The following GRIK3 variants were observed in gnomAD, a reference collection of about 807,000 sequenced individuals.
GRIK3 encodes glutamate receptor ionotropic, kainate 3.
In GRIK3, 29 loss-of-function variants were observed where a neutral mutation model predicts 102.5. That is an observed-to-expected ratio of 0.28 (90% CI 0.21 to 0.39). GRIK3 has a LOEUF of 0.39. Ranked by LOEUF, GRIK3 falls within the 10% of genes least tolerant of loss-of-function variation. The probability of loss-of-function intolerance (pLI) is 1.00; values close to 1 mark genes in which losing one functional copy is unlikely to be tolerated. For missense variants in GRIK3, 908 were observed against 1,252.4 expected (o/e 0.73, Z 4.15); for synonymous variants, 511 against 504.9 (o/e 1.01, Z -0.16).
intron 1 of GRIK3, among the ~76,000 whole-genome samples, chr1:36,949,586 T>C (rs1570816629): frequency 7.4e-6 from 1 of 134,954 alleles, no homozygotes. Flanking sequence ...TTTTTTTTTT[T>C]TTTTTTTTTT....
chr1:36,811,088 C>T (rs888886403), intron 13 of GRIK3, among the ~76,000 whole-genome samples: 8 of 152,310 alleles, frequency 5.3e-5, no homozygotes, highest in Non-Finnish European at 5.9e-5. Context: ...TGTAAGAGTA[C>T]GTGCTACTTA....
chr1:36,833,683 G>C (rs1023543696), intron 10 of GRIK3, among the ~76,000 whole-genome samples: 1 of 152,212 alleles, frequency 6.6e-6, no homozygotes. Context: ...GACACAGCGG[G>C]GGCAATGGTA....
intron 3 of GRIK3, among the ~76,000 whole-genome samples, chr1:36,879,759 C>G (rs1328782568): frequency 6.6e-6 from 1 of 152,188 alleles, no homozygotes; most frequent in African/African-American, 2.4e-5. Context: ...GCTGGCAGAG[C>G]ATGTGGGACA....
chr1:36,847,013 T>C (rs372081604), intron 9 of GRIK3, among the ~76,000 whole-genome samples: 23 of 152,254 alleles, frequency 1.5e-4, no homozygotes, highest in South Asian at 4.1e-4. Context: ...CACTGCCCCA[T>C]AGGGGGAAGC....
At chr1:36,833,186 C>T (rs1407979280) in intron 10 of GRIK3, among the ~76,000 whole-genome samples, 1 of 152,166 alleles carries the variant, frequency 6.6e-6, no homozygotes, top group Admixed American at 6.5e-5. Flanking sequence ...CCCCTTACCC[C>T]AGCCTAATGG....
intron 1 of GRIK3, among the ~76,000 whole-genome samples, chr1:37,032,626 G>C (rs1338696041): frequency 6.6e-6 from 1 of 152,166 alleles, no homozygotes; most frequent in Admixed American, 6.5e-5. Flanking sequence ...GACCATAAGG[G>C]TTGTCCCCAG....
At chr1:36,889,716 G>T (rs1342910662) in intron 2 of GRIK3, among the ~76,000 whole-genome samples, 1 of 152,146 alleles carries the variant, frequency 6.6e-6, no homozygotes, top group East Asian at 1.9e-4. Flanking sequence ...CTGCCCTGGG[G>T]TTCCCTGCCT....
At chr1:36,944,966 C>T (rs1018384917) in intron 1 of GRIK3, among the ~76,000 whole-genome samples, 1 of 152,242 alleles carries the variant, frequency 6.6e-6, no homozygotes, top group African/African-American at 2.4e-5. Context: ...GAAGGGCCAG[C>T]TGCTGAGCCT....
At chr1:36,837,979 C>T (rs1640401050) in intron 10 of GRIK3, among the ~76,000 whole-genome samples, 5 of 152,212 alleles carry the variant, frequency 3.3e-5, no homozygotes, top group Admixed American at 3.3e-4. Context: ...GGTCTAGGTC[C>T]TGGACTACTG....
intron 15 of GRIK3, among the ~76,000 whole-genome samples, chr1:36,803,499 T>C (rs957774710): frequency 6.6e-6 from 1 of 152,182 alleles, no homozygotes; most frequent in Non-Finnish European, 1.5e-5. Flanking sequence ...GGCGTGACCT[T>C]GGCTCACTGC....
chr1:36,917,783 G>A (rs1370456063), intron 1 of GRIK3, among the ~76,000 whole-genome samples: 1 of 152,168 alleles, frequency 6.6e-6, no homozygotes, highest in Non-Finnish European at 1.5e-5. Context: ...ACTAATACAG[G>A]GAGGTTGAAG....
intron 1 of GRIK3, among the ~76,000 whole-genome samples, chr1:36,997,963 T>C (rs1208135583): frequency 6.6e-6 from 1 of 152,210 alleles, no homozygotes; most frequent in African/African-American, 2.4e-5. Context: ...ATTTAAGCCC[T>C]ATTAATCCAG....
At chr1:37,031,234 C>CA (rs780453549) in intron 1 of GRIK3, among the ~76,000 whole-genome samples, 1 of 152,202 alleles carries the variant, frequency 6.6e-6, no homozygotes, top group Non-Finnish European at 1.5e-5. Flanking sequence ...ATAAAATAAT[C>CA]AATGATCATT....
At position 36,890,930 on chromosome 1, in the gene GRIK3, C is replaced by A. The variant is rs200669770; in HGVS notation, c.282G>T (p.Ala94=). 29 of 1,606,894 alleles carry A rather than the reference C, an allele frequency of 1.8e-5. No individual in the cohort carries two copies. The African/African-American group carries it at 2.4e-4, about 13-fold the overall frequency. Residue 94 remains alanine (A), a synonymous_variant, in exon 2 of 16, where the codon GCG becomes GCT. Transcript: ENST00000373091. ...GAGCTGCACACTCACCCTTTTTGGT[C>A]GCCTCGAAGCTGTCATGGAAGTGAA... ...QRIHFHDSFE[A]TKKACDQLAL...
intron 5 of GRIK3, among the ~76,000 whole-genome samples, chr1:36,864,242 G>T (rs1283905558): frequency 6.6e-6 from 1 of 152,166 alleles, no homozygotes; most frequent in Non-Finnish European, 1.5e-5. Flanking sequence ...GGTGGAGGAT[G>T]AGATCTTCCC....
At chr1:36,815,782 T>C (rs1642619869) in intron 13 of GRIK3, among the ~76,000 whole-genome samples, 1 of 151,294 alleles carries the variant, frequency 6.6e-6, no homozygotes, top group Non-Finnish European at 1.5e-5. Context: ...TTTTTTGAGA[T>C]GGAGTCTCAC....
chr1:36,969,070 T>C (rs1372784914), intron 1 of GRIK3, among the ~76,000 whole-genome samples: 1 of 152,310 alleles, frequency 6.6e-6, no homozygotes. Flanking sequence ...CAAATTACAC[T>C]GGCTCCCAAG....
Position 36,962,640 on chromosome 1 carries a change from A to AAG in GRIK3, c.115+71352_115+71353dup, listed in dbSNP as rs5773557. Among the ~76,000 whole-genome samples, 515 of 145,008 alleles carry AAG rather than the reference A, an allele frequency of 3.6e-3. 3 individuals carry two copies. Among genetic ancestry groups the AAG allele is most frequent in the South Asian group, 0.014 (64 of 4,526 alleles). ...GAGGAAAGTGAGAGAGAGGGAGAGGAAGAGAGAGAGAGAGAGAGAGAGAGA... is the reference window on the plus strand; with the variant it reads ...GAGGAAAGTGAGAGAGAGGGAGAGGAAGAGAGAGAGAGAGAGAGAGAGAGAGA... On this transcript the variant is annotated intron_variant, in intron 1 of 15. Coordinates refer to ENST00000373091, the MANE Select transcript of GRIK3 (RefSeq NM_000831.4).
intron 3 of GRIK3, among the ~76,000 whole-genome samples, chr1:36,874,026 C>T (rs1032080791): frequency 7.2e-5 from 11 of 152,164 alleles, no homozygotes; most frequent in Non-Finnish European, 5.9e-5. Flanking sequence ...AAAATTAGCT[C>T]CAAACTTTCC....
Sources: allele counts gnomAD v4.1 joint callset (sites outside exome capture counted in the v4.1 genomes callset), GRCh38; gene constraint gnomAD v4.1.1; transcripts MANE v1.5; gene names NCBI Gene and HGNC (gene_info 2026-07-23, HGNC 2026-07-21).